Variants in PIK3C2G observed in about 807,000 individuals in gnomAD.
The protein encoded by PIK3C2G is phosphatidylinositol 3-kinase C2 domain-containing subunit gamma.
PIK3C2G carries 168 observed loss-of-function variants against 181.1 expected under a neutral mutation model. The ratio of observed to expected loss-of-function variants is 0.93; its 90% confidence interval spans 0.82 to 1.05. The LOEUF is 1.05. PIK3C2G is among the 50% of genes least tolerant of loss of function. The pLI is 0.00. For synonymous variants in PIK3C2G, 573 were observed against 592.2 expected, an observed-to-expected ratio of 0.97 and a Z score of 0.47; for missense variants, 1,869 against 1,732.8, an observed-to-expected ratio of 1.08 and a Z score of -1.40.
At chr12:18,717,628 C>T in the PIK3C2G span, among the ~76,000 whole-genome samples, 1 of 152,102 alleles carries the variant, frequency 6.6e-6, no homozygotes, top group African/African-American at 2.4e-5. Context: ...CCACAGAACC[C>T]TTGCATGTTG....
intron 1 of PIK3C2G, among the ~76,000 whole-genome samples, chr12:18,255,170 C>A (rs1243197209): frequency 6.6e-6 from 1 of 150,796 alleles, no homozygotes; most frequent in African/African-American, 2.4e-5. Flanking sequence ...GAGCTGAGAT[C>A]GCACCGTTGC....
Position 18,282,022 on chromosome 12 carries a change from T to C in PIK3C2G, c.-60T>C. 2 of 945,518 alleles carry C rather than the reference T, an allele frequency of 2.1e-6. No individual in the cohort carries two copies. Among genetic ancestry groups the C allele is most frequent in the Non-Finnish European group, 3.1e-6 (2 of 635,000 alleles). 58.6% of individuals were successfully genotyped at this position (945,518 alleles called of 1,614,324 possible). On this transcript the variant is annotated 5_prime_UTR_variant, in exon 2 of 33. Coordinates refer to ENST00000538779, the MANE Select transcript of PIK3C2G (RefSeq NM_001288772.2). The stretch of plus-strand genomic sequence containing the variant: ...TTTCTAGGAAAATTTCTATCTTCTT[T>C]TGTATTATCAAGGAGATATTTGGAG...
chr12:18,267,791 T>C (rs1160024347), intron 1 of PIK3C2G, among the ~76,000 whole-genome samples: 2 of 152,256 alleles, frequency 1.3e-5, no homozygotes, highest in African/African-American at 4.8e-5. Context: ...AATATATAGT[T>C]CTTCTTTTGC....
the PIK3C2G span, chr12:18,713,026 C>A: frequency 1.9e-6 from 3 of 1,610,154 alleles, no homozygotes; most frequent in South Asian, 1.1e-5. Context: ...ACTCCTGGAC[C>A]ATTAAAAATA....
intron 18 of PIK3C2G, among the ~76,000 whole-genome samples, chr12:18,442,643 T>G (rs534268625): frequency 1.2e-4 from 19 of 152,240 alleles, no homozygotes; most frequent in Middle Eastern, 3.4e-3. Context: ...AGCCATATTA[T>G]GTTTCTAAAA....
intron 6 of PIK3C2G, among the ~76,000 whole-genome samples, chr12:18,316,241 T>C (rs896212773): frequency 2.6e-5 from 4 of 152,202 alleles, no homozygotes; most frequent in Non-Finnish European, 5.9e-5. Flanking sequence ...TCACACTATA[T>C]GGTAATGTCA....
intron 18 of PIK3C2G, among the ~76,000 whole-genome samples, chr12:18,475,373 A>ACACACACACAC (rs1938870745): frequency 1.4e-5 from 2 of 139,834 alleles, no homozygotes; most frequent in Non-Finnish European, 1.6e-5. Context: ...CCACCACCCC[A>ACACACACACAC]ACACACACAC....
At chr12:18,601,377 A>T (rs1449191340) in intron 30 of PIK3C2G, among the ~76,000 whole-genome samples, 1 of 152,130 alleles carries the variant, frequency 6.6e-6, no homozygotes. Context: ...AGAAAGTTCA[A>T]CACCATATAT....
chr12:18,320,371 C>G (rs1048091473), intron 6 of PIK3C2G, among the ~76,000 whole-genome samples: 1 of 151,752 alleles, frequency 6.6e-6, no homozygotes, highest in Admixed American at 6.6e-5. Flanking sequence ...GGGCCATAGG[C>G]ATGATATTTT....
chr12:18,419,147 A>C lies in PIK3C2G; in HGVS notation c.2316-1794A>C, dbSNP rs182902954. 2.0e-5 allele frequency among the ~76,000 whole-genome samples: 3 copies of C among 152,292 alleles called. No individual in the cohort carries two copies. In the East Asian group the frequency reaches 5.8e-4, roughly 29 times the overall value. On this transcript the variant is annotated intron_variant, in intron 16 of 32. Coordinates refer to ENST00000538779, the MANE Select transcript of PIK3C2G (RefSeq NM_001288772.2). Reference sequence around the variant, plus strand: ...AGGCATTGGGGACACATCTATGAACAAAACAGACAAAAATTTACTGCCTTT... The same window carrying C: ...AGGCATTGGGGACACATCTATGAACCAAACAGACAAAAATTTACTGCCTTT...
At chr12:18,539,577 A>G (rs987311400) in intron 25 of PIK3C2G, among the ~76,000 whole-genome samples, 7 of 152,036 alleles carry the variant, frequency 4.6e-5, no homozygotes, top group African/African-American at 1.7e-4. Context: ...TCACATTTCA[A>G]GTACTCAGTA....
intron 29 of PIK3C2G, among the ~76,000 whole-genome samples, chr12:18,568,872 T>G (rs1945778993): frequency 6.6e-6 from 1 of 152,146 alleles, no homozygotes. Flanking sequence ...CACATTGTTC[T>G]TCTTACTATT....
chr12:18,287,911 C>T (rs541333539), intron 3 of PIK3C2G, among the ~76,000 whole-genome samples: 22 of 151,740 alleles, frequency 1.4e-4, no homozygotes, highest in African/African-American at 5.3e-4. Flanking sequence ...CCTGTAATCC[C>T]AGCACTTTGG....
the PIK3C2G span, chr12:18,705,120 T>C: frequency 6.2e-7 from 1 of 1,602,772 alleles, no homozygotes; most frequent in African/African-American, 1.3e-5. Flanking sequence ...TGACATGTTT[T>C]CATGGACTTT....
chr12:18,398,845 A>T (rs1391978476), intron 15 of PIK3C2G, among the ~76,000 whole-genome samples: 1 of 152,232 alleles, frequency 6.6e-6, no homozygotes, highest in Non-Finnish European at 1.5e-5. Context: ...TAACAACAGC[A>T]AAGATTTCTT....
chr12:18,416,916 C>T (rs4763503), intron 16 of PIK3C2G, among the ~76,000 whole-genome samples: 1 of 151,878 alleles, frequency 6.6e-6, no homozygotes, highest in Non-Finnish European at 1.5e-5. Context: ...GTTTCATAAG[C>T]CTACAGCTGC....
intron 30 of PIK3C2G, among the ~76,000 whole-genome samples, chr12:18,608,378 T>C (rs1411504494): frequency 3.3e-5 from 5 of 151,924 alleles, no homozygotes; most frequent in Non-Finnish European, 7.4e-5. Flanking sequence ...TATGCAGCCA[T>C]AAAAAATGAT....
chr12:18,403,852 G>T (rs1011189818), intron 16 of PIK3C2G, among the ~76,000 whole-genome samples: 14 of 152,232 alleles, frequency 9.2e-5, no homozygotes, highest in Admixed American at 2.6e-4. Flanking sequence ...CCTGGCAGAT[G>T]GTTGCTATTT....
the PIK3C2G span, chr12:18,684,329 GAAAAAAT>G: frequency 6.6e-7 from 1 of 1,514,178 alleles, no homozygotes; most frequent in Non-Finnish European, 9.0e-7. Flanking sequence ...CCATATCTAG[GAAAAAAT>G]AGATTACATT....
Sources: gnomAD v4.1 joint callset for allele counts (sites outside exome capture counted in the v4.1 genomes callset) on GRCh38, gnomAD v4.1.1 for gene constraint, MANE v1.5 for transcripts, NCBI Gene and HGNC (gene_info 2026-07-23, HGNC 2026-07-21) for gene names.